The following ADGRG3 variants were observed in gnomAD, a reference collection of about 807,000 sequenced individuals.
ADGRG3 encodes the protein adhesion G protein-coupled receptor G3, also known as G protein-coupled receptor 97.
Under a neutral mutation model 54.3 loss-of-function variants are expected in ADGRG3, and 39 were observed. That is an observed-to-expected ratio of 0.72 (90% CI 0.56 to 0.94). ADGRG3 has a LOEUF of 0.94. Ranked by LOEUF, ADGRG3 falls within the 40% of genes least tolerant of loss-of-function variation. The pLI, the probability that ADGRG3 is intolerant of heterozygous loss-of-function variation, is 0.00. For synonymous variants in ADGRG3, 312 were observed against 290.0 expected (o/e 1.08, Z -0.77); for missense variants, 654 against 694.6 (o/e 0.94, Z 0.66).
In ADGRG3 at chr16:57,668,355, C is replaced by A; in HGVS notation, c.8C>A (p.Thr3Lys). Reference sequence around the variant, plus strand: ...GGGCAAGGCTGGCCAAGGATGGCGACGCCCAGGGGCCTGGGGGCCCTGCTC... The same window carrying A: ...GGGCAAGGCTGGCCAAGGATGGCGAAGCCCAGGGGCCTGGGGGCCCTGCTC... The part of the protein sequence containing the change: MA[T>K]PRGLGALLLL... The change falls in exon 1 of 12, where the codon ACG becomes AAG. Residue 3 changes from threonine (T) to lysine (K), a missense_variant. Transcript: ENST00000333493. 6.4e-7 allele frequency: 1 copy of A among 1,572,636 alleles called. No homozygotes were observed.
At chr16:57,682,737 G>T in intron 8 of ADGRG3, 1 of 667,760 alleles carries the variant, frequency 1.5e-6, no homozygotes, top group Non-Finnish European at 1.9e-6. Flanking sequence ...GGGCTCCAGA[G>T]AGAGGGAGGT....
In ADGRG3 at chr16:57,674,277, G is replaced by A. The variant is rs184355986; in HGVS notation, c.206+809G>A. Among the ~76,000 whole-genome samples the A allele has an allele frequency of 1.3e-3, 196 of 152,214 alleles. 1 individual carries two copies. Among genetic ancestry groups the A allele is most frequent in the African/African-American group, 4.3e-3 (180 of 41,532 alleles). On this transcript the variant is annotated intron_variant, in intron 2 of 11. Transcript: ENST00000333493. ...GAGAGATGGATTGGGGAGATGATAC[G>A]ATGTAGACTCCGTAAGACAAGAGAC...
intron 1 of ADGRG3, among the ~76,000 whole-genome samples, chr16:57,671,614 C>T (rs1480008871): frequency 6.6e-5 from 10 of 152,020 alleles, no homozygotes; most frequent in African/African-American, 2.4e-4. Flanking sequence ...GGATTATAGG[C>T]GTGAGTCACC....
chr16:57,684,611 C>G (rs189615379), intron 10 of ADGRG3, 128 bp downstream of exon 10: 1 of 645,236 alleles, frequency 1.5e-6, no homozygotes, highest in East Asian at 2.8e-5. Context: ...CCAGAAGAAT[C>G]CTCAGATCCA....
At chr16:57,669,504 C>G (rs1168736113) in intron 1 of ADGRG3, among the ~76,000 whole-genome samples, 1 of 152,212 alleles carries the variant, frequency 6.6e-6, no homozygotes, top group African/African-American at 2.4e-5. Flanking sequence ...CAGGTCCCAG[C>G]TGTCATCGCT....
chr16:57,681,722 G>A lies in ADGRG3; in HGVS notation c.881+1105G>A, dbSNP rs375281294. 3.3e-4 allele frequency among the ~76,000 whole-genome samples: 31 copies of A among 94,616 alleles called. No individual in the cohort carries two copies. In the South Asian group the frequency reaches 8.0e-3, roughly 24 times the overall value. The allele number at this position is 94,616 out of a possible 152,430, so 62.1% of individuals were successfully genotyped here. ...GCCTGGACAACAAGTGCAAAACTCC[G>A]TCTCAAAAAAAAAAAAAAAAAAAAG... On this transcript the variant is annotated intron_variant, in intron 8 of 11. Transcript: ENST00000333493.
chr16:57,667,992 G>A (rs898748129), upstream of ADGRG3, among the ~76,000 whole-genome samples: 4 of 152,204 alleles, frequency 2.6e-5, no homozygotes, highest in Non-Finnish European at 5.9e-5. Flanking sequence ...TGACTCCAAA[G>A]CCTGTGCTCA....
chr16:57,671,586 C>T (rs528175757), intron 1 of ADGRG3, among the ~76,000 whole-genome samples: 5 of 152,170 alleles, frequency 3.3e-5, no homozygotes, highest in East Asian at 1.9e-4. Flanking sequence ...CCACCCATCT[C>T]GGCCTCCCAA....
intron 11 of ADGRG3, 96 bp downstream of exon 11, chr16:57,686,022 C>T (rs2048466901): frequency 8.1e-7 from 1 of 1,234,410 alleles, no homozygotes; most frequent in African/African-American, 1.5e-5. Context: ...ACACAGGACT[C>T]TGTTCAGGCT....
chr16:57,678,394 C>A (rs533642601), intron 4 of ADGRG3, 78 bp downstream of exon 4: 13 of 1,446,234 alleles, frequency 9.0e-6, no homozygotes, highest in African/African-American at 8.4e-5. Flanking sequence ...GTCACTGGAG[C>A]CTGCCGAGGG....
rs778488785 is a variant in ADGRG3 at position 57,684,064 on chromosome 16, C to T, written c.1014C>T (p.Cys338=). 6.2e-7 allele frequency: 1 copy of T among 1,614,080 alleles called. No homozygotes were observed. Among genetic ancestry groups the T allele is most frequent in the Non-Finnish European group, 8.5e-7 (1 of 1,179,972 alleles). Residue 338 remains cysteine (C), a synonymous_variant, in exon 9 of 12, where the codon TGC becomes TGT. Transcript: ENST00000333493. ...GSGSKGSDAA[C]WARGAVFHYF... ...GCTCAAAGGGGTCTGATGCTGCCTG[C>T]TGGGCCCGGGGGGCTGTCTTCCACT... is the stretch of plus-strand genomic sequence containing the variant.
intron 2 of ADGRG3, among the ~76,000 whole-genome samples, chr16:57,674,893 G>T (rs1335842566): frequency 2.0e-5 from 3 of 150,472 alleles, no homozygotes; most frequent in Non-Finnish European, 3.0e-5. Flanking sequence ...CTACTCGGGA[G>T]GCTGAGGTGG....
At chr16:57,681,726 C>CAAAA (rs775852211) in intron 8 of ADGRG3, among the ~76,000 whole-genome samples, 1 of 75,194 alleles carries the variant, frequency 1.3e-5, no homozygotes, top group Non-Finnish European at 2.8e-5. Context: ...AACTCCGTCT[C>CAAAA]AAAAAAAAAA....
In ADGRG3 at chr16:57,679,872, C is replaced by A; in HGVS notation, c.667+17C>A. The A allele has an allele frequency of 6.2e-7, 1 of 1,601,244 alleles. No homozygotes were observed. Among genetic ancestry groups the A allele is most frequent in the Non-Finnish European group, 8.6e-7 (1 of 1,168,488 alleles). On this transcript the variant is annotated intron_variant, in intron 6 of 11. Coordinates refer to ENST00000333493, the MANE Select transcript of ADGRG3 (RefSeq NM_170776.5). ...TGACTAAAGGTAGGGCCCGGAGGAC[C>A]TTCTCTGGGGTAAGACAGGAAGGGA...
chr16:57,679,829 C>T lies in ADGRG3; in HGVS notation c.641C>T (p.Thr214Ile). 6.2e-7 allele frequency: 1 copy of T among 1,612,908 alleles called. No homozygotes were observed. The highest frequency in any genetic ancestry group is 8.5e-7 in the Non-Finnish European group (1 of 1,179,064). Reference protein sequence around the residue: ...HQRPPPNMTLTCVFWDVTKGT... With the variant: ...HQRPPPNMTLICVFWDVTKGT... ...CTTCGGTTTCAGAACATGACCCTCA[C>T]CTGTGTATTCTGGGATGTGACTAAA... The change falls in exon 6 of 12, where the codon ACC becomes ATC. Residue 214 changes from threonine to isoleucine, a missense_variant. Transcript: ENST00000333493.
At chr16:57,669,409 T>A (rs1315150917) in intron 1 of ADGRG3, among the ~76,000 whole-genome samples, 1 of 152,174 alleles carries the variant, frequency 6.6e-6, no homozygotes, top group Non-Finnish European at 1.5e-5. Flanking sequence ...GAGGCCCTGG[T>A]ACAGAGCAGG....
chr16:57,678,363 G>A (rs1241260114), intron 4 of ADGRG3, 47 bp downstream of exon 4: 1 of 1,591,080 alleles, frequency 6.3e-7, no homozygotes, highest in Non-Finnish European at 8.6e-7. Flanking sequence ...GTCCTCTGGG[G>A]GCTCCATGCC....
upstream of ADGRG3, chr16:57,668,060 C>T: frequency 1.9e-6 from 1 of 538,214 alleles, no homozygotes; most frequent in Non-Finnish European, 3.3e-6. Context: ...AGCCCCTAGC[C>T]CCGTAGATCC....
chr16:57,674,995 C>CAAAAAAA (rs34536208), intron 2 of ADGRG3, among the ~76,000 whole-genome samples: 9 of 48,932 alleles, frequency 1.8e-4, no homozygotes, highest in East Asian at 6.0e-4. Context: ...GACTCCATCT[C>CAAAAAAA]AAAAAAAAAA....
Sources: gnomAD v4.1 joint callset for allele counts (sites outside exome capture counted in the v4.1 genomes callset) on GRCh38, gnomAD v4.1.1 for gene constraint, MANE v1.5 for transcripts, NCBI Gene and HGNC (gene_info 2026-07-23, HGNC 2026-07-21) for gene names.